CMYA5: variants seen among roughly 807,000 people sequenced by gnomAD.
CMYA5 encodes cardiomyopathy-associated protein 5.
A neutral mutation model predicts 318.9 loss-of-function variants in CMYA5; 246 were observed. That is an observed-to-expected ratio of 0.77 (90% CI 0.70 to 0.86). The LOEUF (loss-of-function observed/expected upper bound fraction) is 0.86, where lower values mean the gene tolerates loss of function less well. Ranked by LOEUF, CMYA5 falls within the 40% of genes least tolerant of loss-of-function variation. The pLI is 0.00. For missense variants in CMYA5, 4,589 were observed against 4,678.2 expected, an observed-to-expected ratio of 0.98 and a Z score of 0.56; for synonymous variants, 1,641 against 1,729.5, an observed-to-expected ratio of 0.95 and a Z score of 1.27.
intron 9 of CMYA5, 160 bp downstream of exon 9, chr5:79,763,369 CACCA>C: frequency 1.7e-6 from 1 of 599,884 alleles, no homozygotes; most frequent in Non-Finnish European, 2.9e-6. Context: ...TATCACAGTT[CACCA>C]ATGAACTCCA....
At position 79,736,961 on chromosome 5, in the gene CMYA5, T is replaced by C. The variant is rs1351118392; in HGVS notation, c.8196T>C (p.Asp2732=). ...TGCCAGTGGTTCTTTCTTGTCATGA[T>C]GAAATAGAGAACCACTCTTTGTCTC... The part of the protein sequence containing the change: ...TFLPVVLSCH[D]EIENHSLSQE... Residue 2732 remains aspartate, a synonymous_variant, in exon 2 of 13, where the codon GAT becomes GAC. Transcript: ENST00000446378. 1.2e-6 allele frequency: 2 copies of C among 1,613,004 alleles called. No individual in the cohort carries two copies. Among genetic ancestry groups the C allele is most frequent in the Admixed American group, 3.3e-5 (2 of 59,826 alleles).
intron 1 of CMYA5, among the ~76,000 whole-genome samples, chr5:79,704,637 A>G (rs555514934): frequency 1.3e-5 from 2 of 152,222 alleles, no homozygotes; most frequent in Non-Finnish European, 2.9e-5. Context: ...TTTGGGAAAT[A>G]ATTTTCTGTT....
At chr5:79,791,822 A>G (rs1472764034) in intron 11 of CMYA5, among the ~76,000 whole-genome samples, 1 of 152,212 alleles carries the variant, frequency 6.6e-6, no homozygotes, top group Non-Finnish European at 1.5e-5. Flanking sequence ...AGGAAGCATC[A>G]AAGAAAAGAA....
At chr5:79,791,802 C>T (rs1466832254) in intron 11 of CMYA5, among the ~76,000 whole-genome samples, 2 of 151,680 alleles carry the variant, frequency 1.3e-5, no homozygotes, top group Non-Finnish European at 2.9e-5. Flanking sequence ...TCCGTAGTAG[C>T]TCCCGCAAAA....
chr5:79,745,355 A>C lies in CMYA5; in HGVS notation c.10868A>C (p.Glu3623Ala), dbSNP rs1828299384. The C allele has an allele frequency of 6.2e-7, 1 of 1,613,800 alleles. No homozygotes were observed. Residue 3623 changes from glutamate to alanine, a missense_variant, in exon 4 of 13, where the codon GAG becomes GCG. Physicochemically the swap from Glu to Ala is moderately radical, Grantham distance 107. Coordinates refer to ENST00000446378, the MANE Select transcript of CMYA5 (RefSeq NM_153610.5). ...VKKKKMEFLH[E>A]QMVHFLQSMD... Reference sequence around the variant, plus strand: ...AAGAAGAAGATGGAGTTCCTGCATGAGCAGATGGTCCACTTTCTGCAGAGC... The same window carrying C: ...AAGAAGAAGATGGAGTTCCTGCATGCGCAGATGGTCCACTTTCTGCAGAGC...
intron 12 of CMYA5, among the ~76,000 whole-genome samples, chr5:79,796,785 A>AT (rs1181647883): frequency 1.3e-5 from 2 of 152,240 alleles, no homozygotes; most frequent in Non-Finnish European, 2.9e-5. Context: ...AAATGATGTC[A>AT]TTATTTTATA....
At chr5:79,726,317 G>A (rs1294370691) in intron 1 of CMYA5, among the ~76,000 whole-genome samples, 3 of 152,146 alleles carry the variant, frequency 2.0e-5, no homozygotes, top group Non-Finnish European at 2.9e-5. Context: ...CCAGATGCAT[G>A]TCATAACCTT....
In CMYA5 at chr5:79,736,957, A is replaced by G. The variant is rs201597133; in HGVS notation, c.8192A>G (p.His2731Arg). ...KTFLPVVLSC[H>R]DEIENHSLSQ... Reference sequence around the variant, plus strand: ...TTCCTGCCAGTGGTTCTTTCTTGTCATGATGAAATAGAGAACCACTCTTTG... The same window carrying G: ...TTCCTGCCAGTGGTTCTTTCTTGTCGTGATGAAATAGAGAACCACTCTTTG... The change falls in exon 2 of 13, where the codon CAT becomes CGT. Residue 2731 changes from histidine (H) to arginine (R), a missense_variant. Physicochemically the swap from His to Arg is conservative, Grantham distance 29 (BLOSUM62 0). Coordinates refer to ENST00000446378, the MANE Select transcript of CMYA5 (RefSeq NM_153610.5). The G allele has an allele frequency of 1.3e-4, 215 of 1,612,648 alleles. No individual in the cohort carries two copies. Among genetic ancestry groups the G allele is most frequent in the Admixed American group, 1.0e-3 (62 of 59,844 alleles).
chr5:79,699,890 C>T (rs1010936598), intron 1 of CMYA5, among the ~76,000 whole-genome samples: 13 of 152,188 alleles, frequency 8.5e-5, no homozygotes, highest in Admixed American at 4.6e-4. Context: ...CATTTACATA[C>T]TTGACTCATT....
At chr5:79,746,748 G>A (rs555335001) in intron 4 of CMYA5, among the ~76,000 whole-genome samples, 1 of 152,182 alleles carries the variant, frequency 6.6e-6, no homozygotes, top group East Asian at 1.9e-4. Flanking sequence ...TAAGCCATTG[G>A]TTGATGAATA....
chr5:79,731,977 T>C lies in CMYA5; in HGVS notation c.3212T>C (p.Leu1071Ser). Residue 1071 changes from leucine to serine, a missense_variant, in exon 2 of 13, where the codon TTG (leucine) becomes TCG (serine). By Grantham distance (145) the Leu-to-Ser change is moderately radical. This residue lies in a region of CMYA5 where 2,132 missense variants were observed against 2,131.3 expected (regional missense o/e 1.00). Transcript: ENST00000446378. Reference sequence around the variant, plus strand: ...AAGCAAAAAGCTGAAACTTTCCCTTTGATGTCTCCGCTTGAAGACTTAAGT... The same window carrying C: ...AAGCAAAAAGCTGAAACTTTCCCTTCGATGTCTCCGCTTGAAGACTTAAGT... ...SQKQKAETFP[L>S]MSPLEDLSLP... 1 of 1,613,744 alleles carries C rather than the reference T, an allele frequency of 6.2e-7. No individual in the cohort carries two copies. Among genetic ancestry groups the C allele is most frequent in the Non-Finnish European group, 8.5e-7 (1 of 1,179,824 alleles).
chr5:79,760,482 A>T (rs1828629815), intron 7 of CMYA5, among the ~76,000 whole-genome samples: 1 of 152,238 alleles, frequency 6.6e-6, no homozygotes, highest in African/African-American at 2.4e-5. Context: ...CACAAGGTGT[A>T]CAGGAAGCAT....
Position 79,799,351 on chromosome 5 carries a change from C to A in CMYA5, c.11964-19C>A. 1 of 1,581,738 alleles carries A rather than the reference C, an allele frequency of 6.3e-7. No homozygotes were observed. The highest frequency in any genetic ancestry group is 8.6e-7 in the Non-Finnish European group (1 of 1,157,202). ...TGAGATTTCCAGAGTTTTATGTTTC[C>A]CATTCGCTTTCATTTCAGATACACA... On this transcript the variant is annotated intron_variant, in intron 12 of 12. Coordinates refer to ENST00000446378, the MANE Select transcript of CMYA5 (RefSeq NM_153610.5).
In CMYA5 at chr5:79,737,187, C is replaced by G. The variant is rs921567140; in HGVS notation, c.8422C>G (p.Pro2808Ala). ...PFDETKSSETPPYLLSPVKPQ... is the reference protein window; with the variant it reads ...PFDETKSSETAPYLLSPVKPQ... Reference sequence around the variant, plus strand: ...TGATGAAACTAAGAGCTCAGAAACACCGCCATATTTGCTGTCACCTGTAAA... The same window carrying G: ...TGATGAAACTAAGAGCTCAGAAACAGCGCCATATTTGCTGTCACCTGTAAA... Residue 2808 changes from proline (P) to alanine (A), a missense_variant, in exon 2 of 13, where the codon CCG becomes GCG. Transcript: ENST00000446378. 3 of 1,613,250 alleles carry G rather than the reference C, an allele frequency of 1.9e-6. No homozygotes were observed. The African/African-American group carries it at 4.0e-5, about 22-fold the overall frequency.
At chr5:79,692,949 A>T (rs1826997807) in intron 1 of CMYA5, among the ~76,000 whole-genome samples, 1 of 152,196 alleles carries the variant, frequency 6.6e-6, no homozygotes, top group Non-Finnish European at 1.5e-5. Flanking sequence ...AAAAATAAGA[A>T]TCCATTACTG....
chr5:79,730,696 C>G lies in CMYA5; in HGVS notation c.1931C>G (p.Ala644Gly). ...GAGGAATTTGAGGCTTATTCCCCAG[C>G]TGCAGCCCCTACATCTGAGAGCTCT... ...ENEEFEAYSP[A>G]AAPTSESSLS... Residue 644 changes from alanine (A) to glycine (G), a missense_variant, in exon 2 of 13, where the codon GCT becomes GGT. Transcript: ENST00000446378. The G allele has an allele frequency of 6.2e-7, 1 of 1,613,950 alleles. No homozygotes were observed. Among genetic ancestry groups the G allele is most frequent in the South Asian group, 1.1e-5 (1 of 91,082 alleles).
chr5:79,692,107 T>G (rs1208145842), intron 1 of CMYA5, among the ~76,000 whole-genome samples: 1 of 152,090 alleles, frequency 6.6e-6, no homozygotes. Context: ...GAGAATAGAT[T>G]GTAAGTGTTT....
intron 9 of CMYA5, among the ~76,000 whole-genome samples, chr5:79,771,295 G>A (rs958557815): frequency 1.3e-5 from 2 of 152,156 alleles, no homozygotes; most frequent in Non-Finnish European, 2.9e-5. Context: ...ACTTAGGGGA[G>A]TCCTGGACCT....
In CMYA5 at chr5:79,737,822, TAAAC is replaced by T. The variant is rs2151088129; in HGVS notation, c.9061_9064del (p.Gln3021ArgfsTer37). ...AAAAAGTTACCCCATTGAAAGAAAA[TAAAC>T]AAAAGGAAACTCATAAGACAAAAGA... On this transcript the variant is annotated frameshift_variant, in exon 2 of 13. Coordinates refer to ENST00000446378, the MANE Select transcript of CMYA5 (RefSeq NM_153610.5). LOFTEE classifies it high-confidence loss of function. 9.3e-6 allele frequency: 15 copies of T among 1,605,176 alleles called. No individual in the cohort carries two copies. The highest frequency in any genetic ancestry group is 1.3e-5 in the Non-Finnish European group (15 of 1,177,856).
Sources: allele counts gnomAD v4.1 joint callset (sites outside exome capture counted in the v4.1 genomes callset), GRCh38; gene constraint gnomAD v4.1.1; regional missense constraint gnomAD v4.1.1; transcripts MANE v1.5; gene names NCBI Gene and HGNC (gene_info 2026-07-23, HGNC 2026-07-21).